The following PALD1 variants were observed in gnomAD, a reference collection of about 807,000 sequenced individuals.
PALD1 encodes the protein paladin.
PALD1 carries 57 observed loss-of-function variants against 96.0 expected under a neutral mutation model. The ratio of observed to expected loss-of-function variants is 0.59; its 90% CI spans 0.48 to 0.74. PALD1 has a LOEUF of 0.74. Among genes scored for constraint, PALD1 ranks in the 30% least tolerant of loss-of-function variants. The pLI, the probability that PALD1 is intolerant of heterozygous loss-of-function variation, is 0.00. For synonymous variants in PALD1, 464 were observed against 473.6 expected, an observed-to-expected ratio of 0.98 and a Z score of 0.26; for missense variants, 1,063 against 1,143.7, an observed-to-expected ratio of 0.93 and a Z score of 1.02.
Position 70,533,951 on chromosome 10 carries a change from T to G in PALD1, c.900T>G (p.Asp300Glu), listed in dbSNP as rs1564700893. 1.9e-6 allele frequency: 3 copies of G among 1,608,976 alleles called. No individual in the cohort carries two copies. The highest frequency in any genetic ancestry group is 2.5e-6 in the Non-Finnish European group (3 of 1,177,182). Residue 300 changes from aspartate to glutamate, a missense_variant, in exon 8 of 20, where the codon GAT becomes GAG. Physicochemically the swap from Asp to Glu is conservative, Grantham distance 45. Transcript: ENST00000263563. ...RETPSLLQLR[D>E]AHGPPPALVF... ...CCCCCAGCCTGCTGCAGCTCCGTGA[T>G]GCCCACGGGCCTCCCCCAGCCCTCG... is the stretch of plus-strand genomic sequence containing the variant.
At position 70,529,321 on chromosome 10, in the gene PALD1, A is replaced by G. The variant is rs1016889327; in HGVS notation, c.278A>G (p.Tyr93Cys). Residue 93 changes from tyrosine (Y) to cysteine (C), a missense_variant, in exon 3 of 20, where the codon TAC becomes TGC. By Grantham distance (194) the Tyr-to-Cys change is radical (BLOSUM62 -2). Transcript: ENST00000263563. ...CTCTCGGACAACACCCCTGAGCACT[A>G]CCTGGTGCAAGTGAGCTCAGGCCTT... ...GRLSDNTPEH[Y>C]LVQGRYFLVR... 6.4e-7 allele frequency: 1 copy of G among 1,568,552 alleles called. No individual in the cohort carries two copies. Among genetic ancestry groups the G allele is most frequent in the Non-Finnish European group, 8.7e-7 (1 of 1,147,400 alleles).
chr10:70,538,288 G>A lies in PALD1; in HGVS notation c.1332G>A (p.Leu444=). ...FNYYLHEQYP[L]AFALSFSRWL... is the part of the protein sequence containing the mutation. ...TCTGCCTCGGGCTGCAGTACCCGCT[G>A]GCCTTTGCCCTCAGTTTCAGCCGCT... Residue 444 remains leucine (L), a synonymous_variant, in exon 12 of 20, where the codon CTG becomes CTA. Transcript: ENST00000263563. The A allele has an allele frequency of 6.2e-7, 1 of 1,602,582 alleles. No homozygotes were observed. The highest frequency in any genetic ancestry group is 1.7e-4 in the Middle Eastern group (1 of 5,946).
At chr10:70,488,920 C>T (rs1589170086) in intron 1 of PALD1, among the ~76,000 whole-genome samples, 1 of 150,940 alleles carries the variant, frequency 6.6e-6, no homozygotes, top group South Asian at 2.2e-4. Context: ...TGCTGGGGGT[C>T]TGGGTGGATG....
intron 10 of PALD1, 103 bp from the exon 11 acceptor site, chr10:70,537,708 T>C (rs1735587770): frequency 1.4e-6 from 1 of 720,566 alleles, no homozygotes; most frequent in Non-Finnish European, 2.5e-6. Context: ...GGAAAGACTG[T>C]CTTCTGGGGA....
intron 1 of PALD1, among the ~76,000 whole-genome samples, chr10:70,518,781 C>G (rs1846665993): frequency 6.6e-6 from 1 of 152,238 alleles, no homozygotes; most frequent in South Asian, 2.1e-4. Flanking sequence ...GTCTCTGGCT[C>G]TCTCAGGTGG....
intron 1 of PALD1, among the ~76,000 whole-genome samples, chr10:70,501,770 C>G (rs1038375992): frequency 6.7e-6 from 1 of 150,322 alleles, no homozygotes; most frequent in African/African-American, 2.4e-5. Flanking sequence ...AAGTACGGTT[C>G]ACCATTGATG....
intron 17 of PALD1, among the ~76,000 whole-genome samples, chr10:70,543,213 G>A (rs779492658): frequency 1.7e-4 from 26 of 152,052 alleles, no homozygotes; most frequent in Non-Finnish European, 3.1e-4. Context: ...AGAAATGTCT[G>A]TTCAAGTCCT....
At chr10:70,550,762 A>G (rs1847464425) in intron 18 of PALD1, among the ~76,000 whole-genome samples, 1 of 152,096 alleles carries the variant, frequency 6.6e-6, no homozygotes, top group African/African-American at 2.4e-5. Context: ...ACTTAGCATA[A>G]TGTTTGAAGG....
chr10:70,466,827 AG>A, the PALD1 span, among the ~76,000 whole-genome samples: 1 of 152,186 alleles, frequency 6.6e-6, no homozygotes, highest in Non-Finnish European at 1.5e-5. Flanking sequence ...CGGGGCAGGC[AG>A]GCTTAGCAAG....
the PALD1 span, among the ~76,000 whole-genome samples, chr10:70,466,619 A>G: frequency 1.9e-3 from 285 of 152,306 alleles, no homozygotes; most frequent in Middle Eastern, 3.4e-3. Context: ...AGCACCATCC[A>G]TCTCCAGAAG....
At chr10:70,562,863 C>G (rs985977751) in intron 18 of PALD1, among the ~76,000 whole-genome samples, 1 of 152,144 alleles carries the variant, frequency 6.6e-6, no homozygotes, top group Admixed American at 6.5e-5. Context: ...GGCCTTATCC[C>G]CTGGCCTGTG....
chr10:70,518,877 T>G (rs372928830), intron 1 of PALD1, among the ~76,000 whole-genome samples: 1 of 152,146 alleles, frequency 6.6e-6, no homozygotes, highest in African/African-American at 2.4e-5. Flanking sequence ...ACCAACACAG[T>G]GACTGACTAG....
intron 7 of PALD1, 48 bp downstream of exon 7, chr10:70,533,118 C>T (rs183277846): frequency 1.5e-4 from 219 of 1,476,142 alleles, no homozygotes; most frequent in Middle Eastern, 6.9e-4. Flanking sequence ...GAGAGTCGTC[C>T]CCATGGAGGT....
chr10:70,532,619 A>G lies in PALD1; in HGVS notation c.634-2A>G. On this transcript the variant is annotated splice_acceptor_variant, in intron 5 of 19. Transcript: ENST00000263563. LOFTEE classifies it high-confidence loss of function. ...CCCTCTGACCCCCACACCTCCCTCT[A>G]GATCCACGACTTTGCCCAGCTGAGC... 6.2e-7 allele frequency: 1 copy of G among 1,613,712 alleles called. No homozygotes were observed. The highest frequency in any genetic ancestry group is 8.5e-7 in the Non-Finnish European group (1 of 1,179,796).
the PALD1 span, among the ~76,000 whole-genome samples, chr10:70,465,288 T>G: frequency 6.6e-6 from 1 of 152,196 alleles, no homozygotes; most frequent in East Asian, 1.9e-4. Flanking sequence ...CATACACTTT[T>G]AAGTAGCTTA....
intron 18 of PALD1, among the ~76,000 whole-genome samples, chr10:70,557,907 G>A (rs1847642478): frequency 6.8e-6 from 1 of 147,222 alleles, no homozygotes; most frequent in Non-Finnish European, 1.5e-5. Context: ...TGAAGACCCT[G>A]AACCTGGCCT....
chr10:70,482,099 C>T (rs943085125), intron 1 of PALD1, among the ~76,000 whole-genome samples: 1 of 152,218 alleles, frequency 6.6e-6, no homozygotes, highest in African/African-American at 2.4e-5. Flanking sequence ...TGCAGGGCTT[C>T]CTCAGCAGCC....
intron 1 of PALD1, among the ~76,000 whole-genome samples, chr10:70,514,158 C>T (rs996452354): frequency 3.3e-5 from 5 of 152,236 alleles, no homozygotes; most frequent in African/African-American, 4.8e-5. Flanking sequence ...TTGCCCACTT[C>T]CTGCTGCATG....
chr10:70,479,479 G>A (rs1845891606), intron 1 of PALD1, among the ~76,000 whole-genome samples: 1 of 152,228 alleles, frequency 6.6e-6, no homozygotes, highest in Non-Finnish European at 1.5e-5. Flanking sequence ...CTCAGACCCA[G>A]GACGAGTCCA....
Sources: allele counts gnomAD v4.1 joint callset (sites outside exome capture counted in the v4.1 genomes callset), GRCh38; gene constraint gnomAD v4.1.1; transcripts MANE v1.5; gene names NCBI Gene and HGNC (gene_info 2026-07-23, HGNC 2026-07-21).